The following MIGA1 variants were observed in gnomAD, a reference collection of about 807,000 sequenced individuals.
MIGA1 encodes family with sequence similarity 73, member A.
A neutral mutation model predicts 82.0 loss-of-function variants in MIGA1; 58 were observed. That is an observed-to-expected ratio of 0.71 (90% CI 0.57 to 0.88). The LOEUF (loss-of-function observed/expected upper bound fraction) is 0.88. MIGA1 is among the 40% of genes least tolerant of loss of function. MIGA1 has a pLI of 0.00. For missense variants in MIGA1, 751 were observed against 749.1 expected (o/e 1.00, Z -0.03); for synonymous variants, 249 against 253.6 (o/e 0.98, Z 0.17).
chr1:77,847,319 T>C (rs1221443631), intron 8 of MIGA1: 2 of 917,808 alleles, frequency 2.2e-6, no homozygotes, highest in Non-Finnish European at 3.7e-6. Context: ...AAAATGCTAC[T>C]GTGTATGAAT....
At chr1:77,818,799 G>A (rs1161760745) in intron 7 of MIGA1, among the ~76,000 whole-genome samples, 1 of 152,106 alleles carries the variant, frequency 6.6e-6, no homozygotes, top group African/African-American at 2.4e-5. Context: ...CAGGGTGTTG[G>A]CTGGGCGTGG....
intron 2 of MIGA1, among the ~76,000 whole-genome samples, chr1:77,796,744 T>C (rs1441819047): frequency 1.3e-5 from 2 of 152,258 alleles, no homozygotes; most frequent in Non-Finnish European, 2.9e-5. Flanking sequence ...GGAACAAAGT[T>C]TGATTTACTT....
intron 2 of MIGA1, among the ~76,000 whole-genome samples, chr1:77,790,386 T>C (rs1570920516): frequency 6.6e-6 from 1 of 151,524 alleles, no homozygotes; most frequent in Non-Finnish European, 1.5e-5. Flanking sequence ...CCTGCCTCAG[T>C]CTCCTGAGTA....
At chr1:77,835,108 C>T (rs1236594790) in intron 7 of MIGA1, among the ~76,000 whole-genome samples, 2 of 152,104 alleles carry the variant, frequency 1.3e-5, no homozygotes, top group African/African-American at 2.4e-5. Flanking sequence ...ATGTAGAAAA[C>T]CCACTTGGAT....
intron 7 of MIGA1, among the ~76,000 whole-genome samples, chr1:77,821,113 G>A (rs562586549): frequency 2.0e-5 from 3 of 148,740 alleles, no homozygotes; most frequent in African/African-American, 7.4e-5. Flanking sequence ...CAGACTGGGC[G>A]ACAAAGTGAG....
At chr1:77,811,354 C>T (rs1180100198) in intron 5 of MIGA1, 7 of 1,607,030 alleles carry the variant, frequency 4.4e-6, no homozygotes, top group Middle Eastern at 2.2e-4. Flanking sequence ...ATCAGGAGAC[C>T]CTGCTCCAGC....
chr1:77,791,907 G>A (rs1321230792), intron 2 of MIGA1, among the ~76,000 whole-genome samples: 2 of 152,174 alleles, frequency 1.3e-5, no homozygotes, highest in African/African-American at 2.4e-5. Flanking sequence ...ATTATTGGCT[G>A]TATCATTTTA....
intron 4 of MIGA1, 42 bp from the exon 5 acceptor site, chr1:77,806,933 A>G (rs760405508): frequency 7.3e-5 from 110 of 1,499,444 alleles, no homozygotes; most frequent in Non-Finnish European, 9.6e-5. Flanking sequence ...ACATACTATC[A>G]TGAGAGAGAT....
At chr1:77,790,149 G>T (rs1436938367) in intron 2 of MIGA1, among the ~76,000 whole-genome samples, 1 of 152,140 alleles carries the variant, frequency 6.6e-6, no homozygotes, top group East Asian at 1.9e-4. Context: ...CAGTGACAAT[G>T]TATGTATATA....
At chr1:77,861,075 TA>T in intron 11 of MIGA1, 148 bp from the exon 12 acceptor site, 1 of 563,410 alleles carries the variant, frequency 1.8e-6, no homozygotes. Flanking sequence ...AGCAAAGTAG[TA>T]AACCAGATAA....
At position 77,797,719 on chromosome 1, in the gene MIGA1, T is replaced by A. The variant is rs541592257; in HGVS notation, c.196-3612T>A. Among the ~76,000 whole-genome samples the A allele has an allele frequency of 2.6e-3, 403 of 152,320 alleles. 2 individuals are homozygous for A. Among genetic ancestry groups the A allele is most frequent in the Non-Finnish European group, 4.2e-3 (288 of 68,022 alleles). ...CCTTTTCTTTTTCTTGGTGCTATTA[T>A]AAATAGTATTACTTTTTGAAATTCA... On this transcript the variant is annotated intron_variant, in intron 2 of 15. Transcript: ENST00000370791.
At position 77,872,869 on chromosome 1, in the gene MIGA1, A is replaced by G. The variant is rs991968648; in HGVS notation, c.1564-135A>G. ...GAGGCCAGGAGTTTGAGGTGTTGCT[A>G]GACTCTGGTTCTAAAAAACAAATTT... On this transcript the variant is annotated intron_variant, in intron 14 of 15. Coordinates refer to ENST00000370791, the MANE Select transcript of MIGA1 (RefSeq NM_198549.4). 3 of 1,037,608 alleles carry G rather than the reference A, an allele frequency of 2.9e-6. No individual in the cohort carries two copies. The African/African-American group carries it at 4.8e-5, about 17-fold the overall frequency. 64.3% of individuals were successfully genotyped at this position (1,037,608 alleles called of 1,614,324 possible).
At chr1:77,784,717 T>A (rs1682070208) in intron 2 of MIGA1, among the ~76,000 whole-genome samples, 1 of 152,218 alleles carries the variant, frequency 6.6e-6, no homozygotes, top group Non-Finnish European at 1.5e-5. Context: ...TCCGTTTTCA[T>A]GCTGCTGATA....
intron 7 of MIGA1, among the ~76,000 whole-genome samples, chr1:77,819,991 C>T (rs1015239704): frequency 6.6e-6 from 1 of 152,084 alleles, no homozygotes; most frequent in Non-Finnish European, 1.5e-5. Context: ...CAAAGTATGC[C>T]TATACCCAAA....
chr1:77,861,533 T>C, intron 12 of MIGA1: 1 of 470,506 alleles, frequency 2.1e-6, no homozygotes, highest in East Asian at 3.9e-5. Context: ...TTTGCTGTTG[T>C]TGGCTCCTTG....
intron 14 of MIGA1, among the ~76,000 whole-genome samples, chr1:77,870,252 T>G (rs748373642): frequency 3.7e-4 from 38 of 101,616 alleles, no homozygotes; most frequent in South Asian, 9.2e-4. Flanking sequence ...CCGGTCGGGG[T>G]GGCTGCCGGG....
rs143260343 is a variant in MIGA1 at position 77,847,486 on chromosome 1, A to G, written c.996+4079A>G. On this transcript the variant is annotated intron_variant, in intron 8 of 15. Transcript: ENST00000370791. ...GAAAAAAGAATGGAAAAGAAAATAC[A>G]GAGAGAACGAGAAATGGAAAAGGAA... is the stretch of plus-strand genomic sequence containing the variant. The G allele has an allele frequency of 3.2e-3, 4,542 of 1,415,152 alleles. 108 individuals carry two copies. In the African/African-American group the frequency reaches 0.053, roughly 17 times the overall value. The allele number at this position is 1,415,152 out of a possible 1,614,324, so 87.7% of individuals were successfully genotyped here.
At chr1:77,862,715 C>A (rs1293174040) in intron 12 of MIGA1, among the ~76,000 whole-genome samples, 1 of 151,734 alleles carries the variant, frequency 6.6e-6, no homozygotes, top group Non-Finnish European at 1.5e-5. Context: ...CCGAGGCGGG[C>A]AGATCACTTG....
intron 7 of MIGA1, among the ~76,000 whole-genome samples, chr1:77,825,375 G>C (rs754369133): frequency 1.3e-5 from 2 of 152,170 alleles, no homozygotes; most frequent in Non-Finnish European, 2.9e-5. Flanking sequence ...ATTTGAGTTA[G>C]TTCTCTAAAA....
Sources: gnomAD v4.1 joint callset for allele counts (sites outside exome capture counted in the v4.1 genomes callset) on GRCh38, gnomAD v4.1.1 for gene constraint, MANE v1.5 for transcripts, NCBI Gene and HGNC (gene_info 2026-07-23, HGNC 2026-07-21) for gene names.